The following CP variants were observed in gnomAD, a reference collection of about 807,000 sequenced individuals.
The protein encoded by CP is caeruloplasmin.
Under a neutral mutation model 122.4 loss-of-function variants are expected in CP, and 64 were observed. The ratio of observed to expected loss-of-function variants is 0.52; its 90% CI spans 0.43 to 0.64. The LOEUF (loss-of-function observed/expected upper bound fraction) is 0.64, where lower values mean the gene tolerates loss of function less well. Ranked by LOEUF, CP falls within the 30% of genes least tolerant of loss-of-function variation. CP has a pLI of 0.00. For synonymous variants in CP, 440 were observed against 436.4 expected (o/e 1.01, Z -0.10); for missense variants, 1,167 against 1,284.4 (o/e 0.91, Z 1.40).
intron 9 of CP, among the ~76,000 whole-genome samples, chr3:149,197,339 T>G (rs892056467): frequency 6.6e-6 from 1 of 152,184 alleles, no homozygotes; most frequent in Non-Finnish European, 1.5e-5. Context: ...TAGAGAAGTA[T>G]GCCAGCTAAT....
In CP at chr3:149,186,635, ATCGGCC is replaced by A. The variant is rs767304704; in HGVS notation, c.1956_1961del (p.Glu652_Ala653del). The A allele has an allele frequency of 1.2e-6, 2 of 1,614,068 alleles. No individual in the cohort carries two copies. The highest frequency in any genetic ancestry group is 2.7e-5 in the African/African-American group (2 of 74,926). On this transcript the variant is annotated inframe_deletion, in exon 11 of 19. Coordinates refer to ENST00000264613, the MANE Select transcript of CP (RefSeq NM_000096.4). ...TTCCTGAAAAGTATATTCCATGTAC[ATCGGCC>A]TCATTTCCGGCGCTGAATAAGTACC...
At position 149,195,734 on chromosome 3, in the gene CP, C is replaced by T. The variant is rs530016992; in HGVS notation, c.1713+2633G>A. Among the ~76,000 whole-genome samples the T allele has an allele frequency of 3.6e-4, 55 of 152,018 alleles. No homozygotes were observed. In the South Asian group the frequency reaches 9.6e-3, roughly 26 times the overall value. On this transcript the variant is annotated intron_variant, in intron 9 of 18. Transcript: ENST00000264613. ...AAACAAAATTAGCTGGGCGTGGTGGCGGGCGCCTGTAGTCCCAGCTACTCA... is the reference window on the plus strand; with the variant it reads ...AAACAAAATTAGCTGGGCGTGGTGGTGGGCGCCTGTAGTCCCAGCTACTCA...
chr3:149,183,794 T>G (rs1725948911), intron 12 of CP, among the ~76,000 whole-genome samples, 189 bp from the exon 13 acceptor site: 1 of 152,100 alleles, frequency 6.6e-6, no homozygotes, highest in Non-Finnish European at 1.5e-5. Flanking sequence ...AAAGCATACC[T>G]AGCCATCTGA....
intron 18 of CP, among the ~76,000 whole-genome samples, chr3:149,174,431 G>T (rs1306870108): frequency 6.6e-6 from 1 of 152,152 alleles, no homozygotes. Flanking sequence ...TACATATAGA[G>T]GGTGAGCATG....
chr3:149,205,380 G>T (rs34079352), intron 6 of CP, among the ~76,000 whole-genome samples: 361 of 148,532 alleles, frequency 2.4e-3, no homozygotes, highest in African/African-American at 8.5e-3. Context: ...AAGCGGAATC[G>T]CTTCTAGCTG....
intron 13 of CP, among the ~76,000 whole-genome samples, chr3:149,183,048 G>T (rs1173137724): frequency 6.6e-6 from 1 of 152,102 alleles, no homozygotes; most frequent in Non-Finnish European, 1.5e-5. Flanking sequence ...CTACTTGGGA[G>T]GCTAAGGTGG....
At chr3:149,201,281 C>T (rs943446708) in intron 7 of CP, among the ~76,000 whole-genome samples, 19 of 152,012 alleles carry the variant, frequency 1.2e-4, no homozygotes, top group Admixed American at 3.3e-4. Context: ...CCACCACGCC[C>T]GGCTAATTTT....
chr3:149,217,515 T>A (rs1029470275), intron 1 of CP, among the ~76,000 whole-genome samples: 1 of 152,148 alleles, frequency 6.6e-6, no homozygotes, highest in African/African-American at 2.4e-5. Flanking sequence ...CTTTAACCAG[T>A]CTAATATCTA....
At position 149,206,419 on chromosome 3, in the gene CP, G is replaced by T. The variant is rs1420155408; in HGVS notation, c.1037-80C>A. The T allele has an allele frequency of 2.7e-6, 4 of 1,506,664 alleles. No individual in the cohort carries two copies. In the African/African-American group the frequency reaches 4.1e-5, roughly 16 times the overall value. 93.3% of individuals were successfully genotyped at this position (1,506,664 alleles called of 1,614,324 possible). ...ATTGCCCTGTAAACACTGCTCGGGT[G>T]ATGACAAGTAGAAATTGAAGGAATA... On this transcript the variant is annotated intron_variant, in intron 5 of 18. Transcript: ENST00000264613.
intron 7 of CP, among the ~76,000 whole-genome samples, 191 bp downstream of exon 7, chr3:149,201,911 A>T (rs914359822): frequency 6.6e-6 from 1 of 152,174 alleles, no homozygotes; most frequent in Non-Finnish European, 1.5e-5. Flanking sequence ...AGGGCTTTTA[A>T]TGATGAAAAT....
At chr3:149,191,240 G>A (rs1443958861) in intron 9 of CP, among the ~76,000 whole-genome samples, 6 of 105,806 alleles carry the variant, frequency 5.7e-5, no homozygotes, top group Admixed American at 1.4e-4. Context: ...ATCTCATTAC[G>A]CTATTTTTTT....
chr3:149,183,266 GAAAT>G (rs1490829395), intron 13 of CP, among the ~76,000 whole-genome samples, 196 bp downstream of exon 13: 2 of 152,080 alleles, frequency 1.3e-5, no homozygotes, highest in African/African-American at 2.4e-5. Context: ...GTTTCCAAGA[GAAAT>G]AAGTAATATT....
downstream of CP, chr3:149,172,349 C>CACACACAT: frequency 1.4e-6 from 1 of 703,662 alleles, no homozygotes. Flanking sequence ...CACACACACA[C>CACACACAT]ACACACATAT....
intron 9 of CP, 119 bp from the exon 10 acceptor site, chr3:149,188,321 T>G: frequency 1.2e-6 from 1 of 833,548 alleles, no homozygotes; most frequent in Non-Finnish European, 1.9e-6. Context: ...GAAGTTTCTG[T>G]TGCTCTTTGT....
At chr3:149,179,489 A>T in intron 15 of CP, 67 bp downstream of exon 15, 1 of 1,209,602 alleles carries the variant, frequency 8.3e-7, no homozygotes. Context: ...GAAAACACTA[A>T]CCTTGTCTTC....
chr3:149,195,928 T>G lies in CP; in HGVS notation c.1713+2439A>C, dbSNP rs372807721. Reference sequence around the variant, plus strand: ...AAAAGGTAACTATGTGAGGTATGAGTATTTTACATAAAATAATATTACAGT... The same window carrying G: ...AAAAGGTAACTATGTGAGGTATGAGGATTTTACATAAAATAATATTACAGT... On this transcript the variant is annotated intron_variant, in intron 9 of 18. Coordinates refer to ENST00000264613, the MANE Select transcript of CP (RefSeq NM_000096.4). Among the ~76,000 whole-genome samples, 3 of 151,108 alleles carry G rather than the reference T, an allele frequency of 2.0e-5. No homozygotes were observed. The East Asian group carries it at 5.8e-4, about 29-fold the overall frequency.
At chr3:149,220,029 A>T (rs989278866) in intron 1 of CP, among the ~76,000 whole-genome samples, 2 of 152,218 alleles carry the variant, frequency 1.3e-5, no homozygotes, top group African/African-American at 4.8e-5. Context: ...GCATAAGAAG[A>T]GACTAATATA....
Position 149,188,164 on chromosome 3 carries a change from TACTGTAGGAA to T in CP, c.1742_1751del (p.Phe581TyrfsTer40). ...GGAGTAAACTCTCATTCTCATCAAA[TACTGTAGGAA>T]ACAAATAGAATTCCTTGTCTACATC... On this transcript the variant is annotated frameshift_variant, in exon 10 of 19. Transcript: ENST00000264613. LOFTEE classifies it high-confidence loss of function. 1 of 1,612,542 alleles carries T rather than the reference TACTGTAGGAA, an allele frequency of 6.2e-7. No individual in the cohort carries two copies. Among genetic ancestry groups the T allele is most frequent in the Non-Finnish European group, 8.5e-7 (1 of 1,179,398 alleles).
At chr3:149,196,914 C>A (rs1439858181) in intron 9 of CP, among the ~76,000 whole-genome samples, 1 of 152,154 alleles carries the variant, frequency 6.6e-6, no homozygotes, top group African/African-American at 2.4e-5. Flanking sequence ...AGTGAATATG[C>A]CCTGCCCCAC....
Sources: allele counts gnomAD v4.1 joint callset (sites outside exome capture counted in the v4.1 genomes callset), GRCh38; gene constraint gnomAD v4.1.1; transcripts MANE v1.5; gene names NCBI Gene and HGNC (gene_info 2026-07-23, HGNC 2026-07-21).